MACROD2: variants seen among roughly 807,000 people sequenced by gnomAD.
MACROD2 encodes the protein ADP-ribose glycohydrolase MACROD2.
In MACROD2, 36 loss-of-function variants were observed where a neutral mutation model predicts 70.4. That is an observed-to-expected ratio of 0.51 (90% CI 0.39 to 0.68). MACROD2 has a LOEUF of 0.68. MACROD2 is among the 30% of genes least tolerant of loss of function. The probability of loss-of-function intolerance (pLI) is 0.00; values close to 1 mark genes in which losing one functional copy is unlikely to be tolerated. For synonymous variants in MACROD2, 172 were observed against 178.8 expected, an observed-to-expected ratio of 0.96 and a Z score of 0.30; for missense variants, 496 against 538.4, an observed-to-expected ratio of 0.92 and a Z score of 0.78.
intron 5 of MACROD2, among the ~76,000 whole-genome samples, chr20:15,205,526 G>A (rs2076693996): frequency 6.6e-6 from 1 of 151,934 alleles, no homozygotes; most frequent in Non-Finnish European, 1.5e-5. Context: ...ACCTTCTGTT[G>A]GAAGTCTGAC....
chr20:15,803,843 A>G (rs1450823176), intron 8 of MACROD2, among the ~76,000 whole-genome samples: 2 of 152,216 alleles, frequency 1.3e-5, no homozygotes, highest in African/African-American at 4.8e-5. Context: ...AACAACAATA[A>G]AAACAATAAA....
intron 8 of MACROD2, among the ~76,000 whole-genome samples, chr20:15,558,530 C>T (rs2048199008): frequency 6.6e-6 from 1 of 152,224 alleles, no homozygotes; most frequent in Non-Finnish European, 1.5e-5. Flanking sequence ...CTGGGGTTCC[C>T]CCAACCCACA....
intron 6 of MACROD2, among the ~76,000 whole-genome samples, chr20:15,363,216 T>C (rs1352669617): frequency 6.6e-6 from 1 of 152,228 alleles, no homozygotes; most frequent in Non-Finnish European, 1.5e-5. Flanking sequence ...AGGAGACAAG[T>C]GACCATCTGC....
intron 5 of MACROD2, among the ~76,000 whole-genome samples, chr20:15,050,646 A>G (rs1219530117): frequency 7.0e-6 from 1 of 143,036 alleles, no homozygotes; most frequent in Non-Finnish European, 1.5e-5. Flanking sequence ...GGTTCACGCT[A>G]GGTTTCTTCT....
At position 14,488,989 on chromosome 20, in the gene MACROD2, T is replaced by G. The variant is rs140478242; in HGVS notation, c.272-4490T>G. ...TCTCTGATGCCTTTTCACCTATTTA[T>G]TAGTAGTAGGGGTCATTGTATTCTA... On this transcript the variant is annotated intron_variant, in intron 3 of 17. Coordinates refer to ENST00000684519, the MANE Select transcript of MACROD2 (RefSeq NM_001351661.2). Among the ~76,000 whole-genome samples, 566 of 152,302 alleles carry G rather than the reference T, an allele frequency of 3.7e-3. 5 individuals carry two copies. In the Middle Eastern group the frequency reaches 0.058, roughly 16 times the overall value.
At chr20:15,807,158 C>T (rs113949814) in intron 8 of MACROD2, among the ~76,000 whole-genome samples, 51 of 152,336 alleles carry the variant, frequency 3.3e-4, no homozygotes, top group African/African-American at 1.2e-3. Context: ...ATTATCTCTT[C>T]CACTGGAGAA....
intron 5 of MACROD2, among the ~76,000 whole-genome samples, chr20:15,118,929 G>A (rs1322935548): frequency 1.3e-5 from 2 of 152,138 alleles, no homozygotes; most frequent in Non-Finnish European, 2.9e-5. Context: ...TTTGAGCAGT[G>A]TGCACTGCCA....
intron 3 of MACROD2, among the ~76,000 whole-genome samples, chr20:14,436,135 C>T (rs4814305): frequency 0.96 from 145,489 of 152,216 alleles, 69,901 homozygotes; most frequent in East Asian, 1. Flanking sequence ...GTTTCACCCA[C>T]GTGCTAAAGC....
intron 8 of MACROD2, among the ~76,000 whole-genome samples, chr20:15,645,703 C>T (rs1042983434): frequency 3.3e-5 from 5 of 152,176 alleles, no homozygotes; most frequent in Non-Finnish European, 7.3e-5. Flanking sequence ...TAAAAAGATA[C>T]TCTTACTTAT....
chr20:15,980,138 C>T (rs1480475876), intron 13 of MACROD2, among the ~76,000 whole-genome samples: 1 of 152,174 alleles, frequency 6.6e-6, no homozygotes, highest in African/African-American at 2.4e-5. Flanking sequence ...CAATAGTCTT[C>T]TATACAATGT....
chr20:16,003,766 G>A (rs2066747965), intron 15 of MACROD2, among the ~76,000 whole-genome samples: 1 of 152,070 alleles, frequency 6.6e-6, no homozygotes, highest in African/African-American at 2.4e-5. Flanking sequence ...CACCTCCCAG[G>A]TTCAAGCGAT....
intron 6 of MACROD2, among the ~76,000 whole-genome samples, chr20:15,401,417 C>G (rs183183944): frequency 1.3e-5 from 2 of 152,306 alleles, no homozygotes; most frequent in African/African-American, 4.8e-5. Flanking sequence ...GAAATGTTTT[C>G]ATCGGTACAG....
chr20:15,093,165 T>A (rs1170387449), intron 5 of MACROD2, among the ~76,000 whole-genome samples: 1 of 152,128 alleles, frequency 6.6e-6, no homozygotes, highest in Non-Finnish European at 1.5e-5. Flanking sequence ...CCCCAAATTA[T>A]CTCCCCACCA....
intron 10 of MACROD2, among the ~76,000 whole-genome samples, chr20:15,887,600 A>G (rs573482925): frequency 2.0e-5 from 3 of 152,112 alleles, no homozygotes; most frequent in Non-Finnish European, 4.4e-5. Flanking sequence ...ACCTCAACCA[A>G]TAACAGACAG....
intron 15 of MACROD2, among the ~76,000 whole-genome samples, chr20:16,030,858 GTCTTAAAA>G (rs756136345): frequency 4.1e-4 from 62 of 152,208 alleles, no homozygotes; most frequent in Non-Finnish European, 7.6e-4. Context: ...AACAGAAAAT[GTCTTAAAA>G]CAAAGGGAAG....
intron 2 of MACROD2, among the ~76,000 whole-genome samples, chr20:14,046,411 GGTGA>G (rs1481191322): frequency 3.3e-5 from 5 of 152,148 alleles, no homozygotes; most frequent in Admixed American, 6.5e-5. Context: ...GTATTGTGTT[GGTGA>G]GTATGTGGAA....
At chr20:15,672,599 C>T (rs1004534212) in intron 8 of MACROD2, among the ~76,000 whole-genome samples, 11 of 152,246 alleles carry the variant, frequency 7.2e-5, no homozygotes, top group South Asian at 6.2e-4. Flanking sequence ...GACTCAGCCT[C>T]GGCCAATTCA....
chr20:14,676,183 G>A (rs1157066018), intron 4 of MACROD2, among the ~76,000 whole-genome samples: 1 of 152,082 alleles, frequency 6.6e-6, no homozygotes, highest in Non-Finnish European at 1.5e-5. Flanking sequence ...GAACTCAGCT[G>A]TGGACCAAAC....
intron 8 of MACROD2, among the ~76,000 whole-genome samples, chr20:15,635,535 A>G (rs1600696138): frequency 6.7e-6 from 1 of 149,898 alleles, no homozygotes; most frequent in Non-Finnish European, 1.5e-5. Context: ...GGAGCTAAAC[A>G]TTGGGTACTC....
Sources: gnomAD v4.1 joint callset for allele counts (sites outside exome capture counted in the v4.1 genomes callset) on GRCh38, gnomAD v4.1.1 for gene constraint, MANE v1.5 for transcripts, NCBI Gene and HGNC (gene_info 2026-07-23, HGNC 2026-07-21) for gene names.